The following SFTPB variants were observed in gnomAD, a reference collection of about 807,000 sequenced individuals.
SFTPB encodes the protein surfactant protein B.
SFTPB carries 32 observed loss-of-function variants against 51.0 expected under a neutral mutation model. The observed-to-expected ratio is 0.63, with a 90% CI of 0.47 to 0.84. The LOEUF (loss-of-function observed/expected upper bound fraction) is 0.84, where lower values mean the gene tolerates loss of function less well. SFTPB is among the 40% of genes least tolerant of loss of function. The pLI is 0.00. For missense variants in SFTPB, 431 were observed against 491.2 expected (o/e 0.88, Z 1.16); for synonymous variants, 211 against 208.5 (o/e 1.01, Z -0.10).
Position 85,665,751 on chromosome 2 carries a change from C to T in SFTPB, c.437G>A (p.Arg146Gln), listed in dbSNP as rs367831550. 6.6e-5 allele frequency: 107 copies of T among 1,614,160 alleles called. No individual in the cohort carries two copies. Among genetic ancestry groups the T allele is most frequent in the Middle Eastern group, 3.3e-4 (2 of 6,062 alleles). Residue 146 changes from arginine to glutamine, a missense_variant, in exon 5 of 11, where the codon CGG (arginine) becomes CAG (glutamine). Coordinates refer to ENST00000519937, the MANE Select transcript of SFTPB (RefSeq NM_000542.5). ...TGGCTCCTGCTCTGGCTCTGGCTGCCGGGATTTGCACAGGCCCAGGTGCAT... is the reference window on the plus strand; with the variant it reads ...TGGCTCCTGCTCTGGCTCTGGCTGCTGGGATTTGCACAGGCCCAGGTGCAT... ...ICMHLGLCKS[R>Q]QPEPEQEPGM...
chr2:85,659,816 G>A (rs1362987013), intron 10 of SFTPB, 134 bp from the exon 11 acceptor site: 1 of 152,424 alleles, frequency 6.6e-6, no homozygotes, highest in Non-Finnish European at 1.5e-5. Flanking sequence ...CAGCAGGGAA[G>A]GCCGGGAGCC....
rs536961561 is a variant in SFTPB at position 85,667,000 on chromosome 2, C to T, written c.267+106G>A. ...AGCTGGGACTTCCCAGGCACCCAGG[C>T]CTCCTCCTCAGCCTGGAAATGGCCC... is the stretch of plus-strand genomic sequence containing the variant. On this transcript the variant is annotated intron_variant, in intron 3 of 10. Transcript: ENST00000519937. 4.1e-5 allele frequency: 45 copies of T among 1,107,344 alleles called. No individual in the cohort carries two copies. The South Asian group carries it at 4.9e-4, about 12-fold the overall frequency. The allele number at this position is 1,107,344 out of a possible 1,614,324, so 68.6% of individuals were successfully genotyped here. A position where few individuals can be genotyped will look rare whatever the true frequency, so the allele number is the denominator to read the frequency against.
rs772068983 is a variant in SFTPB, at chr2:85,663,484, C to T, written c.864G>A (p.Pro288=). The T allele has an allele frequency of 2.4e-5, 38 of 1,613,730 alleles. No homozygotes were observed. Among genetic ancestry groups the T allele is most frequent in the Admixed American group, 3.3e-5 (2 of 59,986 alleles). ...AGTCTCGCGGCAGCCATTCTCCTGTCGGCGACCCTGGAGATGTGAGCATTA... is the reference window on the plus strand; with the variant it reads ...AGTCTCGCGGCAGCCATTCTCCTGTTGGCGACCCTGGAGATGTGAGCATTA... The part of the protein sequence containing the change: ...SMDDSAGPRS[P]TGEWLPRDSE... Residue 288 remains proline, a synonymous_variant, in exon 8 of 11, where the codon CCG becomes CCA. Coordinates refer to ENST00000519937, the MANE Select transcript of SFTPB (RefSeq NM_000542.5).
chr2:85,660,069 G>A (rs889582734), intron 10 of SFTPB, among the ~76,000 whole-genome samples: 1 of 152,052 alleles, frequency 6.6e-6, no homozygotes, highest in Non-Finnish European at 1.5e-5. Flanking sequence ...AGGAGGGCAG[G>A]GCTCAGCCAT....
At chr2:85,659,952 G>A (rs1168731903) in intron 10 of SFTPB, among the ~76,000 whole-genome samples, 1 of 152,100 alleles carries the variant, frequency 6.6e-6, no homozygotes, top group Non-Finnish European at 1.5e-5. Context: ...AGTGGGGGAG[G>A]ACCTCCCCTC....
At chr2:85,667,310 T>C in intron 2 of SFTPB, 133 bp from the exon 3 acceptor site, 1 of 725,010 alleles carries the variant, frequency 1.4e-6, no homozygotes. Context: ...GCCCAACTTG[T>C]CCCATCTCAT....
At chr2:85,666,169 GGTGTGT>G (rs56132282) in intron 4 of SFTPB, among the ~76,000 whole-genome samples, 2 of 146,178 alleles carry the variant, frequency 1.4e-5, no homozygotes, top group African/African-American at 2.6e-5. Flanking sequence ...TTGTGGACAG[GGTGTGT>G]GTGTGTGTGT....
chr2:85,666,075 A>G (rs1449919729), intron 4 of SFTPB, among the ~76,000 whole-genome samples: 9 of 151,922 alleles, frequency 5.9e-5, no homozygotes. Context: ...AGGGTGTGTG[A>G]GCGTACAGGC....
intron 6 of SFTPB, among the ~76,000 whole-genome samples, chr2:85,664,756 G>T (rs746844376): frequency 6.6e-6 from 1 of 152,208 alleles, no homozygotes; most frequent in East Asian, 1.9e-4. Flanking sequence ...GGTGGCCCAC[G>T]CAACCCTATC....
upstream of SFTPB, chr2:85,668,319 C>T (rs1677762253): frequency 4.9e-6 from 4 of 808,310 alleles, no homozygotes; most frequent in East Asian, 1.1e-4. Flanking sequence ...CTTGATCCCA[C>T]CTTTTCCCAG....
Position 85,663,766 on chromosome 2 carries a change from G to T in SFTPB, c.754C>A (p.Arg252Ser). 1 of 1,606,768 alleles carries T rather than the reference G, an allele frequency of 6.2e-7. No individual in the cohort carries two copies. The highest frequency in any genetic ancestry group is 8.5e-7 in the Non-Finnish European group (1 of 1,177,366). Reference protein sequence around the residue: ...AGGICQCLAERYSVILLDTLL... With the variant: ...AGGICQCLAESYSVILLDTLL... ...GTGTCGAGCAGGATGACGGAGTAGC[G>T]CTCAGCCAGGCACTGGCAGATGCCG... is the stretch of plus-strand genomic sequence containing the variant. The change falls in exon 7 of 11, where the codon CGC becomes AGC. Residue 252 changes from arginine to serine, a missense_variant. Transcript: ENST00000519937.
chr2:85,665,261 G>A, intron 6 of SFTPB, 28 bp downstream of exon 6: 1 of 1,544,378 alleles, frequency 6.5e-7, no homozygotes, highest in Non-Finnish European at 9.0e-7. Context: ...GTGTGCTCCT[G>A]GGCTCTGTGA....
Position 85,667,745 on chromosome 2 carries a change from C to G in SFTPB, c.129G>C (p.Leu43=). Residue 43 remains leucine, a synonymous_variant, in exon 2 of 11, where the codon CTG becomes CTC. Coordinates refer to ENST00000519937, the MANE Select transcript of SFTPB (RefSeq NM_000542.5). ...GGGCTCTGCACTGCAATGCTTGCTC[C>G]AGGCTTTGGCACCAGAACTCAGGGC... is the stretch of plus-strand genomic sequence containing the variant. ...AQGPEFWCQS[L]EQALQCRALG... The G allele has an allele frequency of 1.2e-6, 2 of 1,614,270 alleles. No homozygotes were observed. Among genetic ancestry groups the G allele is most frequent in the Non-Finnish European group, 1.7e-6 (2 of 1,180,050 alleles).
intron 2 of SFTPB, 82 bp downstream of exon 2, chr2:85,667,597 A>G: frequency 6.4e-7 from 1 of 1,572,626 alleles, no homozygotes; most frequent in African/African-American, 1.4e-5. Context: ...TGGGGGCTCC[A>G]CTCTCCTCCT....
chr2:85,658,545 C>G lies in SFTPB; in HGVS notation c.*1157G>C, dbSNP rs1677148498. On this transcript the variant is annotated 3_prime_UTR_variant, in exon 11 of 11. Coordinates refer to ENST00000519937, the MANE Select transcript of SFTPB (RefSeq NM_000542.5). ...CTGAGATGGAGTCTTGCTCTGTCAC[C>G]CAGGCTGGAGTGCAGTGGTGCAATC... is the stretch of plus-strand genomic sequence containing the variant. 1 of 152,340 alleles carries G rather than the reference C, an allele frequency of 6.6e-6. No individual in the cohort carries two copies. The highest frequency in any genetic ancestry group is 2.1e-4 in the South Asian group (1 of 4,814). 9.4% of individuals were successfully genotyped at this position (152,340 alleles called of 1,614,324 possible). A position where few individuals can be genotyped will look rare whatever the true frequency, so the allele number is the denominator to read the frequency against.
chr2:85,666,601 A>G lies in SFTPB; in HGVS notation c.393+16T>C, dbSNP rs367658723. The G allele has an allele frequency of 6.2e-6, 10 of 1,612,520 alleles. No homozygotes were observed. The highest frequency in any genetic ancestry group is 2.2e-5 in the South Asian group (2 of 91,050). ...TGCGTGGGGAGGCAGGCAGGAGGTG[A>G]GCTTGCAGCCCTCACAGTCTGGTTC... On this transcript the variant is annotated intron_variant, in intron 4 of 10. Transcript: ENST00000519937.
At chr2:85,663,592 A>G (rs1677418917) in intron 7 of SFTPB, 72 bp downstream of exon 7, 1 of 1,592,854 alleles carries the variant, frequency 6.3e-7, no homozygotes, top group African/African-American at 1.3e-5. Context: ...ACAGAGGGAG[A>G]GGGTCATGCA....
intron 8 of SFTPB, among the ~76,000 whole-genome samples, chr2:85,662,538 G>A (rs113317544): frequency 2.0e-5 from 3 of 152,240 alleles, no homozygotes; most frequent in East Asian, 1.9e-4. Context: ...ACAGGATCTC[G>A]CTTTAAGAAG....
chr2:85,660,694 A>G (rs1302568916), intron 10 of SFTPB, among the ~76,000 whole-genome samples: 2 of 152,204 alleles, frequency 1.3e-5, no homozygotes, highest in East Asian at 3.9e-4. Context: ...ACCTCAGGTG[A>G]TCTGCCTGCC....
Sources: gnomAD v4.1 joint callset for allele counts (sites outside exome capture counted in the v4.1 genomes callset) on GRCh38, gnomAD v4.1.1 for gene constraint, MANE v1.5 for transcripts, NCBI Gene and HGNC (gene_info 2026-07-23, HGNC 2026-07-21) for gene names.